Variants in NRG1 observed in about 807,000 individuals in gnomAD.
NRG1 encodes the protein neuregulin 1.
NRG1 carries 18 observed loss-of-function variants against 63.8 expected under a neutral mutation model. The ratio of observed to expected loss-of-function variants is 0.28; its 90% CI spans 0.19 to 0.42. The LOEUF is 0.42. NRG1 is among the 10% of genes least tolerant of loss of function. NRG1 has a pLI of 1.00. For synonymous variants in NRG1, 302 were observed against 301.3 expected (o/e 1.00, Z -0.02); for missense variants, 762 against 814.7 (o/e 0.94, Z 0.79).
At chr8:31,911,963 T>A (rs1832978837) in intron 1 of NRG1, among the ~76,000 whole-genome samples, 2 of 152,198 alleles carry the variant, frequency 1.3e-5, no homozygotes, top group African/African-American at 4.8e-5. Context: ...CCGGATTCAT[T>A]GGTTATTGGT....
At chr8:31,735,289 A>G (rs182445246) in intron 1 of NRG1, among the ~76,000 whole-genome samples, 7 of 152,288 alleles carry the variant, frequency 4.6e-5, no homozygotes, top group Non-Finnish European at 7.4e-5. Flanking sequence ...TTTGGAGTCT[A>G]AAGAGGAGTA....
chr8:32,529,462 T>A (rs780573855), intron 1 of NRG1, among the ~76,000 whole-genome samples: 6 of 152,198 alleles, frequency 3.9e-5, no homozygotes, highest in Non-Finnish European at 5.9e-5. Context: ...TTAACCTAAT[T>A]ACTATATCTT....
intron 1 of NRG1, among the ~76,000 whole-genome samples, chr8:31,706,458 A>G (rs999956498): frequency 3.3e-5 from 5 of 152,058 alleles, no homozygotes; most frequent in African/African-American, 1.2e-4. Flanking sequence ...TTTCACAATT[A>G]CCTGATTCAT....
intron 1 of NRG1, among the ~76,000 whole-genome samples, chr8:32,566,193 C>G (rs1837410934): frequency 6.6e-6 from 1 of 151,930 alleles, no homozygotes; most frequent in African/African-American, 2.4e-5. Context: ...CCCATCTCTA[C>G]TAAAAATACA....
At chr8:32,060,047 C>T (rs58835105) in intron 1 of NRG1, among the ~76,000 whole-genome samples, 1 of 151,910 alleles carries the variant, frequency 6.6e-6, no homozygotes, top group East Asian at 1.9e-4. Context: ...TTCTTGCTCT[C>T]TATTTTAATT....
At chr8:31,675,370 T>A (rs1477363372) in intron 1 of NRG1, among the ~76,000 whole-genome samples, 1 of 152,178 alleles carries the variant, frequency 6.6e-6, no homozygotes, top group Non-Finnish European at 1.5e-5. Flanking sequence ...CTGTAGAGTT[T>A]TGTCATAAGA....
At chr8:31,737,872 G>A (rs1306956046) in intron 1 of NRG1, among the ~76,000 whole-genome samples, 2 of 151,978 alleles carry the variant, frequency 1.3e-5, no homozygotes, top group East Asian at 3.9e-4. Flanking sequence ...TCTGGCCATG[G>A]ACATTAGCTT....
intron 1 of NRG1, among the ~76,000 whole-genome samples, chr8:32,423,480 C>CA (rs1036354299): frequency 1.1e-4 from 16 of 151,964 alleles, no homozygotes; most frequent in Non-Finnish European, 2.2e-4. Context: ...CTTGTCTCTA[C>CA]AAAAAATACA....
intron 1 of NRG1, among the ~76,000 whole-genome samples, chr8:32,050,728 A>C (rs1433973893): frequency 6.6e-6 from 1 of 152,148 alleles, no homozygotes. Context: ...CTGTCTAGGC[A>C]CCTTTGACAT....
intron 1 of NRG1, among the ~76,000 whole-genome samples, chr8:32,226,726 C>T (rs7821196): frequency 0.24 from 36,940 of 152,050 alleles, 9,330 homozygotes; most frequent in African/African-American, 0.64. Context: ...TATCACAGGA[C>T]AGCAAACATG....
intron 1 of NRG1, among the ~76,000 whole-genome samples, chr8:32,355,155 CA>C (rs1314232274): frequency 6.6e-6 from 1 of 151,962 alleles, no homozygotes; most frequent in Non-Finnish European, 1.5e-5. Context: ...AAACAAATTA[CA>C]AAATTGAAAG....
intron 1 of NRG1, among the ~76,000 whole-genome samples, chr8:32,324,092 C>CAA (rs11315662): frequency 0.026 from 3,784 of 146,458 alleles, 133 homozygotes; most frequent in African/African-American, 0.082. Flanking sequence ...TCAAAGCCCT[C>CAA]AAAAAAAAAA....
At chr8:32,748,468 T>G (rs1428578394) in intron 7 of NRG1, among the ~76,000 whole-genome samples, 1 of 151,986 alleles carries the variant, frequency 6.6e-6, no homozygotes, top group Non-Finnish European at 1.5e-5. Flanking sequence ...ATGAAAAGTG[T>G]CATCCCTGGA....
intron 1 of NRG1, among the ~76,000 whole-genome samples, chr8:32,206,864 A>G (rs1040131861): frequency 6.6e-6 from 1 of 152,206 alleles, no homozygotes; most frequent in Non-Finnish European, 1.5e-5. Flanking sequence ...TTTAGCAGCC[A>G]CTTATAAGTG....
rs574556123 is a variant in NRG1 at position 32,451,816 on chromosome 8, C to G, written c.38-144012C>G. 4.6e-5 allele frequency among the ~76,000 whole-genome samples: 7 copies of G among 152,220 alleles called. 1 individual carries two copies. The highest frequency in any genetic ancestry group is 1.7e-4 in the African/African-American group (7 of 41,526). On this transcript the variant is annotated intron_variant, in intron 1 of 10. Transcript: ENST00000519301. ...GGGGAGGATGAAGTTCAGGTGTTCA[C>G]CTATCAAACTCACTTCCTTCTTTTT...
chr8:32,048,324 CAT>C (rs1421598951), intron 1 of NRG1, among the ~76,000 whole-genome samples: 1 of 148,380 alleles, frequency 6.7e-6, no homozygotes, highest in Non-Finnish European at 1.5e-5. Context: ...TATGTATATA[CAT>C]ATGTACATGT....
intron 1 of NRG1, among the ~76,000 whole-genome samples, chr8:31,706,814 A>G (rs11776643): frequency 0.22 from 32,717 of 152,064 alleles, 3,908 homozygotes; most frequent in Non-Finnish European, 0.26. Context: ...ATATTTTCAT[A>G]TATTTGAGTG....
intron 1 of NRG1, among the ~76,000 whole-genome samples, chr8:32,435,222 T>C (rs1818633749): frequency 6.6e-6 from 1 of 152,148 alleles, no homozygotes; most frequent in African/African-American, 2.4e-5. Flanking sequence ...CTGGAAGCTA[T>C]CATCATGGCA....
At chr8:32,769,678 G>T (rs913385938), downstream of NRG1, among the ~76,000 whole-genome samples, 19 of 152,150 alleles carry the variant, frequency 1.2e-4, no homozygotes, top group Non-Finnish European at 2.5e-4. Flanking sequence ...TACTCCAAAA[G>T]ATTAACTTGG....
Sources: allele counts gnomAD v4.1 joint callset (sites outside exome capture counted in the v4.1 genomes callset), GRCh38; gene constraint gnomAD v4.1.1; transcripts MANE v1.5; gene names NCBI Gene and HGNC (gene_info 2026-07-23, HGNC 2026-07-21).